The following ANKRD30B variants were observed in gnomAD, a reference collection of about 807,000 sequenced individuals.
ANKRD30B encodes the protein ankyrin repeat domain 30B, also known as ankyrin repeat domain-containing protein 30B.
ANKRD30B carries 144 observed loss-of-function variants against 202.2 expected under a neutral mutation model. That is an observed-to-expected ratio of 0.71 (90% CI 0.62 to 0.82). The LOEUF (loss-of-function observed/expected upper bound fraction) is 0.82. Ranked by LOEUF, ANKRD30B falls within the 40% of genes least tolerant of loss-of-function variation. ANKRD30B has a pLI of 0.00. For synonymous variants in ANKRD30B, 508 were observed against 561.3 expected, an observed-to-expected ratio of 0.91 and a Z score of 1.34; for missense variants, 1,487 against 1,669.1, an observed-to-expected ratio of 0.89 and a Z score of 1.90.
intron 24 of ANKRD30B, 116 bp downstream of exon 24, chr18:14,803,940 A>C: frequency 1.0e-6 from 1 of 965,924 alleles, no homozygotes; most frequent in South Asian, 1.9e-5. Flanking sequence ...AGCATGGAAA[A>C]AAAGAGAAGT....
At chr18:14,804,598 G>A in intron 24 of ANKRD30B, among the ~76,000 whole-genome samples, 1 of 150,638 alleles carries the variant, frequency 6.6e-6, no homozygotes, top group East Asian at 1.9e-4. Flanking sequence ...AGAGACCTTT[G>A]TGGGAAAAAA....
intron 9 of ANKRD30B, among the ~76,000 whole-genome samples, chr18:14,773,358 A>G (rs867099144): frequency 6.2e-5 from 6 of 96,210 alleles, no homozygotes; most frequent in Middle Eastern, 9.8e-3. Flanking sequence ...TTGCCTATAA[A>G]AAGATTTTAA....
At chr18:14,769,818 T>A (rs1206820013) in intron 8 of ANKRD30B, among the ~76,000 whole-genome samples, 2 of 152,208 alleles carry the variant, frequency 1.3e-5, no homozygotes, top group African/African-American at 4.8e-5. Flanking sequence ...AATACTTTGT[T>A]CTAACATGTT....
chr18:14,860,399 A>G, the ANKRD30B span, among the ~76,000 whole-genome samples: 40 of 115,382 alleles, frequency 3.5e-4, no homozygotes, highest in Non-Finnish European at 4.2e-4. Context: ...GGCCGGGCAG[A>G]GGCGCTCCTC....
intron 1 of ANKRD30B, among the ~76,000 whole-genome samples, chr18:14,751,278 TAA>T (rs1331502255): frequency 1.3e-5 from 2 of 152,076 alleles, no homozygotes; most frequent in South Asian, 4.1e-4. Context: ...AGCAGTTTTT[TAA>T]GATACTGTAC....
intron 1 of ANKRD30B, 36 bp downstream of exon 1, chr18:14,748,676 A>AGGAGGC (rs2143608209): frequency 6.7e-7 from 1 of 1,497,850 alleles, no homozygotes; most frequent in Admixed American, 2.2e-5. Flanking sequence ...CTGCAGGAGG[A>AGGAGGC]GGAGGCGGCT....
At position 14,748,400 on chromosome 18, in the gene ANKRD30B, T is replaced by G; in HGVS notation, c.-20T>G. Reference sequence around the variant, plus strand: ...GGGCGAGCGGGAGGCGCGGGCTCTCTCTAGCAGGGGGCTGCAGCCATGAAG... The same window carrying G: ...GGGCGAGCGGGAGGCGCGGGCTCTCGCTAGCAGGGGGCTGCAGCCATGAAG... On this transcript the variant is annotated 5_prime_UTR_variant, in exon 1 of 44. Coordinates refer to ENST00000690538, the MANE Select transcript of ANKRD30B (RefSeq NM_001367607.2). The G allele has an allele frequency of 6.9e-7, 1 of 1,459,406 alleles. No individual in the cohort carries two copies. The highest frequency in any genetic ancestry group is 9.1e-7 in the Non-Finnish European group (1 of 1,102,376). 90.4% of individuals were successfully genotyped at this position (1,459,406 alleles called of 1,614,324 possible). A position where few individuals can be genotyped will look rare whatever the true frequency, so the allele number is the denominator to read the frequency against.
chr18:14,887,906 AAACTT>A, the ANKRD30B span, among the ~76,000 whole-genome samples: 6 of 151,838 alleles, frequency 4.0e-5, no homozygotes, highest in Non-Finnish European at 7.4e-5. Flanking sequence ...TACTTGAAAA[AAACTT>A]AAAGATTTCT....
At chr18:14,804,678 T>C (rs1449275353) in intron 24 of ANKRD30B, among the ~76,000 whole-genome samples, 4 of 150,736 alleles carry the variant, frequency 2.7e-5, no homozygotes, top group African/African-American at 7.4e-5. Flanking sequence ...ATGGTGCTCC[T>C]ATTTTTGAGT....
At chr18:14,773,296 T>C (rs1382217813) in intron 9 of ANKRD30B, among the ~76,000 whole-genome samples, 1 of 152,158 alleles carries the variant, frequency 6.6e-6, no homozygotes, top group East Asian at 1.9e-4. Flanking sequence ...TATGAGATAC[T>C]GCAGGTTAGA....
At chr18:14,810,668 C>T (rs957545473) in intron 28 of ANKRD30B, among the ~76,000 whole-genome samples, 3 of 151,154 alleles carry the variant, frequency 2.0e-5, no homozygotes, top group Non-Finnish European at 4.4e-5. Flanking sequence ...TTAAAAATCA[C>T]TACTTGATGA....
chr18:14,921,926 C>T, the ANKRD30B span, among the ~76,000 whole-genome samples: 1 of 152,272 alleles, frequency 6.6e-6, no homozygotes, highest in African/African-American at 2.4e-5. Flanking sequence ...CAATGGTCCT[C>T]CCTGCCAGAC....
At chr18:14,939,905 A>T in the ANKRD30B span, among the ~76,000 whole-genome samples, 3 of 152,202 alleles carry the variant, frequency 2.0e-5, no homozygotes, top group Non-Finnish European at 4.4e-5. Flanking sequence ...TGCAGTGTTA[A>T]TTCTAATGGC....
intron 9 of ANKRD30B, among the ~76,000 whole-genome samples, chr18:14,773,016 G>C (rs1967112656): frequency 6.6e-6 from 1 of 151,994 alleles, no homozygotes; most frequent in Non-Finnish European, 1.5e-5. Context: ...GTATTATTAA[G>C]GCATGCCAGT....
chr18:14,852,875 G>A (rs866540002), intron 42 of ANKRD30B: 1 of 152,210 alleles, frequency 6.6e-6, no homozygotes, highest in African/African-American at 2.4e-5. Context: ...ATTTTGAAGT[G>A]TACATTTCTG....
the ANKRD30B span, among the ~76,000 whole-genome samples, chr18:14,900,245 G>A: frequency 5.9e-5 from 9 of 152,090 alleles, no homozygotes; most frequent in Non-Finnish European, 1.3e-4. Context: ...TGATACATGA[G>A]TATATTAAAA....
chr18:14,865,619 T>G, the ANKRD30B span, among the ~76,000 whole-genome samples: 2,448 of 151,232 alleles, frequency 0.016, 78 homozygotes, highest in African/African-American at 0.057. Context: ...ACCCCCAGTT[T>G]TTTTTTTCCC....
In ANKRD30B at chr18:14,805,425, C is replaced by G. The variant is rs368222742; in HGVS notation, c.2284+1601C>G. ...ATGAGGTTTGTACATCTTCCTCCAT[C>G]AGTGGATCAAGAAATATTGAGATGG... is the stretch of plus-strand genomic sequence containing the variant. On this transcript the variant is annotated intron_variant, in intron 24 of 43. Coordinates refer to ENST00000690538, the MANE Select transcript of ANKRD30B (RefSeq NM_001367607.2). Among the ~76,000 whole-genome samples, 237 of 151,002 alleles carry G rather than the reference C, an allele frequency of 1.6e-3. 9 individuals are homozygous for G. Among genetic ancestry groups the G allele is most frequent in the African/African-American group, 2.8e-3 (114 of 40,912 alleles).
chr18:14,834,517 T>C, intron 34 of ANKRD30B, among the ~76,000 whole-genome samples: 1 of 152,008 alleles, frequency 6.6e-6, no homozygotes, highest in East Asian at 1.9e-4. Context: ...ATATAAATTA[T>C]TTAAAATAAA....
Sources: allele counts gnomAD v4.1 joint callset (sites outside exome capture counted in the v4.1 genomes callset), GRCh38; gene constraint gnomAD v4.1.1; transcripts MANE v1.5; gene names NCBI Gene and HGNC (gene_info 2026-07-23, HGNC 2026-07-21).